IL7: variants seen among roughly 807,000 people sequenced by gnomAD.
The protein encoded by IL7 is interleukin 7, also known as interleukin-7.
In IL7, 3 loss-of-function variants were observed where a neutral mutation model predicts 21.6. The observed-to-expected ratio is 0.14, with a 90% CI of 0.06 to 0.36. The LOEUF is 0.36. Among genes scored for constraint, IL7 ranks in the 10% least tolerant of loss-of-function variants. The pLI, the probability that IL7 is intolerant of heterozygous loss-of-function variation, is 1.00. For synonymous variants in IL7, 62 were observed against 68.1 expected, an observed-to-expected ratio of 0.91 and a Z score of 0.44; for missense variants, 175 against 200.2, an observed-to-expected ratio of 0.87 and a Z score of 0.76.
At chr8:78,803,994 T>G (rs1282655813) in intron 1 of IL7, among the ~76,000 whole-genome samples, 1 of 152,132 alleles carries the variant, frequency 6.6e-6, no homozygotes, top group Non-Finnish European at 1.5e-5. Flanking sequence ...TCTTCTTGCT[T>G]GAGGAAGTAC....
At chr8:78,784,092 A>G (rs543463841) in intron 2 of IL7, among the ~76,000 whole-genome samples, 1 of 152,330 alleles carries the variant, frequency 6.6e-6, no homozygotes, top group East Asian at 1.9e-4. Context: ...TGTCTCCTCG[A>G]AATTCATATG....
At chr8:78,797,048 T>C (rs1247296840) in intron 2 of IL7, among the ~76,000 whole-genome samples, 3 of 152,032 alleles carry the variant, frequency 2.0e-5, no homozygotes, top group Non-Finnish European at 4.4e-5. Flanking sequence ...GGTATATCCA[T>C]TCAATAGACT....
intron 2 of IL7, among the ~76,000 whole-genome samples, chr8:78,753,697 A>C (rs1378268620): frequency 2.6e-5 from 4 of 151,982 alleles, no homozygotes; most frequent in Non-Finnish European, 5.9e-5. Flanking sequence ...TAGGGTTTTT[A>C]TGGTTTTAGG....
intron 3 of IL7, among the ~76,000 whole-genome samples, chr8:78,707,897 T>G (rs539838045): frequency 8.6e-5 from 13 of 152,026 alleles, no homozygotes; most frequent in Admixed American, 5.2e-4. Context: ...GATTTGTTTC[T>G]CTTGCTAGAT....
chr8:78,760,580 T>C (rs1434198513), intron 2 of IL7: 7 of 1,554,764 alleles, frequency 4.5e-6, no homozygotes, highest in Non-Finnish European at 6.1e-6. Context: ...AGTATTGAAT[T>C]TGAGTTGTCC....
intron 2 of IL7, among the ~76,000 whole-genome samples, chr8:78,795,046 C>T (rs966451706): frequency 9.2e-5 from 14 of 152,062 alleles, no homozygotes; most frequent in African/African-American, 2.9e-4. Flanking sequence ...AAGATTCTGG[C>T]TCGGTCACTT....
intron 2 of IL7, chr8:78,762,364 G>A: frequency 6.2e-7 from 1 of 1,612,806 alleles, no homozygotes; most frequent in East Asian, 2.2e-5. Context: ...GGAAGCTGAA[G>A]AAGGCCAAGT....
At chr8:78,712,421 ATAG>A (rs1403438303) in intron 3 of IL7, among the ~76,000 whole-genome samples, 4 of 152,006 alleles carry the variant, frequency 2.6e-5, no homozygotes, top group African/African-American at 4.8e-5. Flanking sequence ...GTTTTTTGTA[ATAG>A]TAGTTTTAAA....
chr8:78,677,376 A>C (rs907989911), intron 4 of IL7, among the ~76,000 whole-genome samples: 4 of 152,068 alleles, frequency 2.6e-5, no homozygotes, highest in African/African-American at 9.7e-5. Flanking sequence ...TCTGAATAGT[A>C]GTAGAACACT....
intron 2 of IL7, among the ~76,000 whole-genome samples, chr8:78,769,135 G>T (rs931324381): frequency 6.6e-6 from 1 of 151,752 alleles, no homozygotes; most frequent in Non-Finnish European, 1.5e-5. Flanking sequence ...AGACAGGGAT[G>T]CCCTCTCTCA....
At chr8:78,803,118 C>A (rs1466452596) in intron 1 of IL7, among the ~76,000 whole-genome samples, 2 of 152,106 alleles carry the variant, frequency 1.3e-5, no homozygotes, top group Admixed American at 6.6e-5. Flanking sequence ...TAACGTGATG[C>A]AGTTTGTAAT....
chr8:78,735,310 C>CTGTTTTT (rs1422198619), intron 5 of IL7, among the ~76,000 whole-genome samples: 1 of 35,618 alleles, frequency 2.8e-5, no homozygotes, highest in Non-Finnish European at 5.4e-5. Context: ...TTTTTTTGCT[C>CTGTTTTT]TGTTTTTTGT....
At chr8:78,787,039 A>G (rs1299520144) in intron 2 of IL7, among the ~76,000 whole-genome samples, 1 of 152,330 alleles carries the variant, frequency 6.6e-6, no homozygotes, top group East Asian at 1.9e-4. Context: ...AGAAGGCAAG[A>G]AAGCTCCAGA....
chr8:78,760,092 G>A (rs1812498107), intron 2 of IL7: 1 of 1,472,194 alleles, frequency 6.8e-7, no homozygotes, highest in Non-Finnish European at 9.0e-7. Context: ...ACACCTTACG[G>A]CTTTTACTTC....
intron 2 of IL7, among the ~76,000 whole-genome samples, chr8:78,746,004 G>A (rs183517692): frequency 6.6e-6 from 1 of 152,068 alleles, no homozygotes; most frequent in African/African-American, 2.4e-5. Context: ...ATAGCATTTA[G>A]GGCCCACCAA....
intron 2 of IL7, chr8:78,762,163 A>T: frequency 1.9e-6 from 3 of 1,594,176 alleles, no homozygotes; most frequent in Non-Finnish European, 2.6e-6. Flanking sequence ...AATGACTGTT[A>T]AGATCAAATA....
intron 2 of IL7, among the ~76,000 whole-genome samples, chr8:78,783,613 T>G (rs1026260282): frequency 2.0e-5 from 3 of 152,202 alleles, no homozygotes; most frequent in Non-Finnish European, 4.4e-5. Context: ...AGCAGCGATC[T>G]AATTACCAAT....
chr8:78,755,215 T>C lies in IL7; in HGVS notation c.148-15133A>G, dbSNP rs1227725493. ...TGTCTGTTTTTATACCAGTGCTATG[T>C]TGTTTTGGTTATAGCTTTGTAGTAT... On this transcript the variant is annotated intron_variant, in intron 2 of 5. Coordinates refer to ENST00000263851, the MANE Select transcript of IL7 (RefSeq NM_000880.4). 2.0e-5 allele frequency among the ~76,000 whole-genome samples: 3 copies of C among 151,664 alleles called. No homozygotes were observed. The East Asian group carries it at 5.8e-4, about 29-fold the overall frequency.
chr8:78,684,403 GAGA>G lies in IL7; in HGVS notation n.273+1483_273+1485del, dbSNP rs576367735. 1.2e-3 allele frequency among the ~76,000 whole-genome samples: 185 copies of G among 152,314 alleles called. 1 individual carries two copies. The highest frequency in any genetic ancestry group is 4.2e-3 in the African/African-American group (176 of 41,572). On this transcript the variant is annotated intron_variant and non_coding_transcript_variant, in intron 4 of 4. Coordinates refer to the IL7 transcript ENST00000523959. ...CCTTTGTAAAACCATCAGATCTCATGAGACTCATTCACTGTCATGAGGACGGCA... is the reference window on the plus strand; with the variant it reads ...CCTTTGTAAAACCATCAGATCTCATGCTCATTCACTGTCATGAGGACGGCA...
Sources: gnomAD v4.1 joint callset for allele counts (sites outside exome capture counted in the v4.1 genomes callset) on GRCh38, gnomAD v4.1.1 for gene constraint, MANE v1.5 for transcripts, NCBI Gene and HGNC (gene_info 2026-07-23, HGNC 2026-07-21) for gene names.